The following SGCZ variants were observed in gnomAD, a reference collection of about 807,000 sequenced individuals.
The protein encoded by SGCZ is sarcoglycan zeta, also known as zeta-sarcoglycan.
A neutral mutation model predicts 41.3 loss-of-function variants in SGCZ; 40 were observed. That is an observed-to-expected ratio of 0.97 (90% CI 0.75 to 1.26). The LOEUF is 1.26. Ranked by LOEUF, SGCZ falls within the 50% of genes most tolerant of loss-of-function variation. The pLI is 0.00. For missense variants in SGCZ, 552 were observed against 369.8 expected (o/e 1.49, Z -4.04); for synonymous variants, 206 against 137.5 (o/e 1.50, Z -3.49).
At chr8:14,332,004 A>T (rs887714681) in intron 2 of SGCZ, among the ~76,000 whole-genome samples, 1 of 151,972 alleles carries the variant, frequency 6.6e-6, no homozygotes, top group Admixed American at 6.6e-5. Context: ...ATAAATATAA[A>T]TACATATTTC....
chr8:14,826,176 A>G (rs935691792), intron 1 of SGCZ, among the ~76,000 whole-genome samples: 1 of 147,994 alleles, frequency 6.8e-6, no homozygotes, highest in African/African-American at 2.5e-5. Flanking sequence ...GAGTGAGAAC[A>G]TGCAGTGTTT....
chr8:14,154,853 C>A lies in SGCZ; in HGVS notation c.547+9727G>T, dbSNP rs115014171. ...TCTGACAGGTAGTCCTATCTAAGGT[C>A]TCTGATGACAACTATGATCAGCTTC... On this transcript the variant is annotated intron_variant, in intron 5 of 7. Coordinates refer to ENST00000382080, the MANE Select transcript of SGCZ (RefSeq NM_139167.4). 6.1e-3 allele frequency among the ~76,000 whole-genome samples: 926 copies of A among 152,208 alleles called. 9 individuals carry two copies. The highest frequency in any genetic ancestry group is 0.021 in the African/African-American group (878 of 41,532).
intron 1 of SGCZ, among the ~76,000 whole-genome samples, chr8:14,982,453 G>A (rs995681415): frequency 6.6e-6 from 1 of 152,198 alleles, no homozygotes; most frequent in Non-Finnish European, 1.5e-5. Flanking sequence ...TGTAATGAGA[G>A]TGTAATTGTA....
At chr8:15,112,897 G>A (rs1807124859) in intron 1 of SGCZ, among the ~76,000 whole-genome samples, 1 of 152,174 alleles carries the variant, frequency 6.6e-6, no homozygotes, top group African/African-American at 2.4e-5. Flanking sequence ...GCTGTTTGAA[G>A]TCATGCGTTG....
chr8:14,665,626 T>C (rs1219495507), intron 1 of SGCZ, among the ~76,000 whole-genome samples: 1 of 152,190 alleles, frequency 6.6e-6, no homozygotes, highest in Admixed American at 6.5e-5. Flanking sequence ...CATTACTATA[T>C]TTTAAAAAGT....
chr8:15,038,614 C>T (rs1803954241), intron 1 of SGCZ, among the ~76,000 whole-genome samples: 1 of 151,616 alleles, frequency 6.6e-6, no homozygotes, highest in Non-Finnish European at 1.5e-5. Flanking sequence ...AATGGAATTG[C>T]ATCAAATTAC....
intron 1 of SGCZ, among the ~76,000 whole-genome samples, chr8:14,612,942 T>A (rs1303521130): frequency 6.6e-6 from 1 of 152,166 alleles, no homozygotes; most frequent in East Asian, 1.9e-4. Flanking sequence ...TGCCTCGGCC[T>A]CCCAAAGTGC....
In SGCZ at chr8:14,824,830, T is replaced by A. The variant is rs530968142; in HGVS notation, c.40-269904A>T. 2.4e-4 allele frequency among the ~76,000 whole-genome samples: 37 copies of A among 152,228 alleles called. No individual in the cohort carries two copies. In the East Asian group the frequency reaches 2.7e-3, roughly 11 times the overall value. On this transcript the variant is annotated intron_variant, in intron 1 of 7. Coordinates refer to ENST00000382080, the MANE Select transcript of SGCZ (RefSeq NM_139167.4). Reference sequence around the variant, plus strand: ...TAGAAATCCTTCTTCTCTATTGATCTACTCACTCTAGGTTTGCCTTGAACA... The same window carrying A: ...TAGAAATCCTTCTTCTCTATTGATCAACTCACTCTAGGTTTGCCTTGAACA...
At position 15,155,818 on chromosome 8, in the gene SGCZ, G is replaced by A. The variant is rs368839250; in HGVS notation, c.39+81767C>T. 9.9e-5 allele frequency among the ~76,000 whole-genome samples: 15 copies of A among 152,238 alleles called. No individual in the cohort carries two copies. In the East Asian group the frequency reaches 2.9e-3, roughly 29 times the overall value. On this transcript the variant is annotated intron_variant, in intron 1 of 7. Coordinates refer to ENST00000382080, the MANE Select transcript of SGCZ (RefSeq NM_139167.4). ...TACACCTGTTATCCTAGCACTTTGG[G>A]AGTCTGAGGCAGGTGGACTGCCTGA...
At chr8:14,606,862 G>C (rs1805767628) in intron 1 of SGCZ, among the ~76,000 whole-genome samples, 1 of 151,926 alleles carries the variant, frequency 6.6e-6, no homozygotes, top group Non-Finnish European at 1.5e-5. Flanking sequence ...GATTCTTTAT[G>C]TCAAGTTTTT....
At chr8:14,888,686 A>G (rs1804899933) in intron 1 of SGCZ, among the ~76,000 whole-genome samples, 1 of 152,176 alleles carries the variant, frequency 6.6e-6, no homozygotes, top group South Asian at 2.1e-4. Context: ...CATTGTTTAT[A>G]TGAAGCAAAA....
intron 3 of SGCZ, among the ~76,000 whole-genome samples, chr8:14,305,150 T>C (rs1375535889): frequency 6.6e-6 from 1 of 152,188 alleles, no homozygotes; most frequent in African/African-American, 2.4e-5. Flanking sequence ...CATTTTAATA[T>C]AACATTAAGT....
At chr8:15,221,724 A>T (rs1376113712) in intron 1 of SGCZ, among the ~76,000 whole-genome samples, 1 of 152,128 alleles carries the variant, frequency 6.6e-6, no homozygotes, top group African/African-American at 2.4e-5. Context: ...CCGAAACCTA[A>T]GTCCATTTTA....
chr8:14,774,032 T>C (rs1002065490), intron 1 of SGCZ, among the ~76,000 whole-genome samples: 18 of 152,198 alleles, frequency 1.2e-4, no homozygotes, highest in Non-Finnish European at 5.9e-5. Flanking sequence ...GGCTCAGATA[T>C]GCAGTCAAGC....
At chr8:15,213,728 C>A (rs867157127) in intron 1 of SGCZ, among the ~76,000 whole-genome samples, 1 of 151,486 alleles carries the variant, frequency 6.6e-6, no homozygotes, top group Non-Finnish European at 1.5e-5. Context: ...TTAACATAAA[C>A]CCCATTAACT....
intron 1 of SGCZ, among the ~76,000 whole-genome samples, chr8:14,805,293 TAA>T (rs1801480931): frequency 1.1e-5 from 1 of 92,274 alleles, no homozygotes; most frequent in South Asian, 5.0e-4. Context: ...GCAAGTTGGA[TAA>T]AGAGTCAAGA....
intron 2 of SGCZ, among the ~76,000 whole-genome samples, chr8:14,397,683 T>C (rs1468815273): frequency 6.6e-6 from 1 of 152,160 alleles, no homozygotes; most frequent in Non-Finnish European, 1.5e-5. Context: ...CAGTTTCTCC[T>C]GATTCAATAT....
At chr8:14,537,912 A>G (rs898981231) in intron 2 of SGCZ, among the ~76,000 whole-genome samples, 3 of 151,910 alleles carry the variant, frequency 2.0e-5, no homozygotes, top group African/African-American at 7.2e-5. Context: ...GAGACCCTCT[A>G]TCTCCAGGTA....
intron 3 of SGCZ, among the ~76,000 whole-genome samples, chr8:14,283,915 G>T (rs977561192): frequency 2.0e-5 from 3 of 152,058 alleles, no homozygotes; most frequent in Admixed American, 6.6e-5. Context: ...TGTAGAATTT[G>T]TTCTTGTTTA....
Sources: allele counts gnomAD v4.1 joint callset (sites outside exome capture counted in the v4.1 genomes callset), GRCh38; gene constraint gnomAD v4.1.1; transcripts MANE v1.5; gene names NCBI Gene and HGNC (gene_info 2026-07-23, HGNC 2026-07-21).